Variants in SLC25A26 observed in about 807,000 individuals in gnomAD.
SLC25A26 encodes the protein solute carrier family 25 member 26, also known as mitochondrial S-adenosylmethionine carrier protein.
SLC25A26 carries 36 observed loss-of-function variants against 37.8 expected under a neutral mutation model. The ratio of observed to expected loss-of-function variants is 0.95; its 90% CI spans 0.73 to 1.26. SLC25A26 has a LOEUF of 1.26. Among genes scored for constraint, SLC25A26 ranks in the 50% most tolerant of loss-of-function variants. The pLI is 0.00. For synonymous variants in SLC25A26, 129 were observed against 122.5 expected (o/e 1.05, Z -0.35); for missense variants, 390 against 331.1 (o/e 1.18, Z -1.38).
chr3:66,234,129 A>T lies in SLC25A26; in HGVS notation c.34-2415A>T, dbSNP rs187664067. The stretch of plus-strand genomic sequence containing the variant: ...ATGAGTCTCCCTGTGTTGCCCAGGC[A>T]GGAGCGTGGTGGCTATTCATGGGCA... On this transcript the variant is annotated intron_variant, in intron 1 of 9. Coordinates refer to ENST00000354883, the MANE Select transcript of SLC25A26 (RefSeq NM_001379210.1). Among the ~76,000 whole-genome samples, 258 of 152,272 alleles carry T rather than the reference A, an allele frequency of 1.7e-3. 2 individuals carry two copies. The highest frequency in any genetic ancestry group is 2.9e-3 in the Non-Finnish European group (195 of 68,020).
chr3:66,245,250 TAA>T (rs60891030), intron 3 of SLC25A26, among the ~76,000 whole-genome samples: 9,813 of 135,806 alleles, frequency 0.072, 828 homozygotes, highest in African/African-American at 0.2. Context: ...CAGTTATGAT[TAA>T]AAAAAAAAAA....
chr3:66,233,801 A>G (rs781814933), intron 1 of SLC25A26, among the ~76,000 whole-genome samples: 165 of 152,180 alleles, frequency 1.1e-3, no homozygotes, highest in Non-Finnish European at 1.0e-3. Flanking sequence ...TTTACCAGAC[A>G]AGTAAATTGA....
At chr3:66,138,811 C>T (rs1409456612) in intron 1 of SLC25A26, among the ~76,000 whole-genome samples, 2 of 152,230 alleles carry the variant, frequency 1.3e-5, no homozygotes, top group East Asian at 3.9e-4. Context: ...ACCCATTAAT[C>T]TTGTACTCCC....
chr3:66,136,361 T>C (rs1240773712), intron 1 of SLC25A26, among the ~76,000 whole-genome samples: 3 of 152,238 alleles, frequency 2.0e-5, no homozygotes, highest in Non-Finnish European at 2.9e-5. Context: ...TAACCTAAGA[T>C]ACACAAATGG....
chr3:66,189,140 T>C (rs2070887444), intron 1 of SLC25A26, among the ~76,000 whole-genome samples: 1 of 152,128 alleles, frequency 6.6e-6, no homozygotes, highest in Non-Finnish European at 1.5e-5. Context: ...ACTTCATTCA[T>C]ACACTGACCC....
chr3:66,157,970 T>C (rs2070307562), intron 1 of SLC25A26, among the ~76,000 whole-genome samples: 1 of 152,206 alleles, frequency 6.6e-6, no homozygotes, highest in African/African-American at 2.4e-5. Context: ...TTGCAACTCT[T>C]CCATCAAACC....
chr3:66,182,231 T>C (rs561455877), intron 1 of SLC25A26, among the ~76,000 whole-genome samples: 12 of 152,138 alleles, frequency 7.9e-5, no homozygotes, highest in Admixed American at 4.6e-4. Flanking sequence ...AGGAAGTTTG[T>C]TGGGCTCTCC....
intron 1 of SLC25A26, among the ~76,000 whole-genome samples, chr3:66,159,625 C>T (rs960989099): frequency 6.6e-6 from 1 of 152,126 alleles, no homozygotes; most frequent in African/African-American, 2.4e-5. Context: ...ATTTTCCTCC[C>T]GTGGTAATTG....
intron 5 of SLC25A26, among the ~76,000 whole-genome samples, chr3:66,281,691 C>G (rs77168651): frequency 0.15 from 23,036 of 151,888 alleles, 2,130 homozygotes; most frequent in Non-Finnish European, 0.22. Flanking sequence ...GTCATGGATT[C>G]TTTTTTTGTT....
intron 5 of SLC25A26, among the ~76,000 whole-genome samples, chr3:66,330,377 C>T (rs995716759): frequency 2.0e-5 from 3 of 151,860 alleles, no homozygotes; most frequent in Admixed American, 6.6e-5. Context: ...ACAGGTCAGC[C>T]AGAATTTTGC....
In SLC25A26 at chr3:66,154,768, C is replaced by T. The variant is rs555429859; in HGVS notation, c.-354+20784C>T. On this transcript the variant is annotated intron_variant, in intron 1 of 10. Transcript: ENST00000676754. ...AAGTGCTGGGATTACAGGCATAAGC[C>T]ACAGCGCCCGGCGGGCCTTGTTTAC... Among the ~76,000 whole-genome samples the T allele has an allele frequency of 2.8e-4, 43 of 152,280 alleles. No individual in the cohort carries two copies. The South Asian group carries it at 5.0e-3, about 18-fold the overall frequency.
Position 66,281,995 on chromosome 3 carries a change from C to CT in SLC25A26, c.453+18616_453+18617insT, listed in dbSNP as rs745763623. Among the ~76,000 whole-genome samples the CT allele has an allele frequency of 5.7e-4, 50 of 87,832 alleles. 2 individuals carry two copies. Among genetic ancestry groups the CT allele is most frequent in the South Asian group, 9.1e-4 (3 of 3,312 alleles). The allele number at this position is 87,832 out of a possible 152,430, so 57.6% of individuals were successfully genotyped here. A position where few individuals can be genotyped will look rare whatever the true frequency, so the allele number is the denominator to read the frequency against. ...GCACCACCACACCCAACTGATTTTG[C>CT]ATTTTTTTTTTTTTTTTTTTTTTTT... On this transcript the variant is annotated intron_variant, in intron 5 of 9. Coordinates refer to ENST00000354883, the MANE Select transcript of SLC25A26 (RefSeq NM_001379210.1).
chr3:66,323,191 G>C (rs1233550626), intron 5 of SLC25A26, among the ~76,000 whole-genome samples: 1 of 152,122 alleles, frequency 6.6e-6, no homozygotes, highest in Admixed American at 6.5e-5. Context: ...GTGGGGCAAT[G>C]GAAGGGGTGA....
chr3:66,233,851 G>A (rs1235162485), intron 1 of SLC25A26, among the ~76,000 whole-genome samples: 1 of 152,054 alleles, frequency 6.6e-6, no homozygotes, highest in Non-Finnish European at 1.5e-5. Context: ...TAATTGTGAT[G>A]AAAGAAGGGT....
At position 66,372,252 on chromosome 3, in the gene SLC25A26, A is replaced by T. The variant is rs551040213; in HGVS notation, c.707+1650A>T. Among the ~76,000 whole-genome samples, 3 of 152,300 alleles carry T rather than the reference A, an allele frequency of 2.0e-5. No individual in the cohort carries two copies. The South Asian group carries it at 6.2e-4, about 32-fold the overall frequency. ...GTAGTTCATGTTTGATTCTGTGGCAACTGTTGGGCAAACCACTTCAATTGA... is the reference window on the plus strand; with the variant it reads ...GTAGTTCATGTTTGATTCTGTGGCATCTGTTGGGCAAACCACTTCAATTGA... On this transcript the variant is annotated intron_variant, in intron 9 of 9. Coordinates refer to ENST00000354883, the MANE Select transcript of SLC25A26 (RefSeq NM_001379210.1).
At chr3:66,232,858 A>G (rs1020053254) in intron 1 of SLC25A26, among the ~76,000 whole-genome samples, 4 of 152,226 alleles carry the variant, frequency 2.6e-5, no homozygotes, top group Non-Finnish European at 5.9e-5. Flanking sequence ...GAAAATGATT[A>G]GTACAGAGAG....
intron 7 of SLC25A26, among the ~76,000 whole-genome samples, chr3:66,368,574 G>A (rs1700162470): frequency 6.6e-6 from 1 of 152,188 alleles, no homozygotes; most frequent in Admixed American, 6.5e-5. Context: ...GCTGTCAGGA[G>A]CCCGTGAAAC....
At chr3:66,302,334 A>G (rs559655103) in intron 5 of SLC25A26, among the ~76,000 whole-genome samples, 1 of 152,328 alleles carries the variant, frequency 6.6e-6, no homozygotes, top group Non-Finnish European at 1.5e-5. Flanking sequence ...CAGTTATCCA[A>G]GTTTTCTTGG....
intron 9 of SLC25A26, among the ~76,000 whole-genome samples, chr3:66,372,661 C>T (rs573139620): frequency 6.6e-6 from 1 of 152,206 alleles, no homozygotes; most frequent in African/African-American, 2.4e-5. Flanking sequence ...CAGACAGCAG[C>T]GGTCGTCACT....
Sources: allele counts gnomAD v4.1 joint callset (sites outside exome capture counted in the v4.1 genomes callset), GRCh38; gene constraint gnomAD v4.1.1; transcripts MANE v1.5; gene names NCBI Gene and HGNC (gene_info 2026-07-23, HGNC 2026-07-21).